Variants in CALN1 observed in about 807,000 individuals in gnomAD.
The protein encoded by CALN1 is calneuron 1.
A neutral mutation model predicts 30.6 loss-of-function variants in CALN1; 17 were observed. The ratio of observed to expected loss-of-function variants is 0.56; its 90% CI spans 0.38 to 0.83. The LOEUF (loss-of-function observed/expected upper bound fraction) is 0.83. CALN1 is among the 40% of genes least tolerant of loss of function. The pLI is 0.00. For synonymous variants in CALN1, 156 were observed against 131.4 expected (o/e 1.19, Z -1.28); for missense variants, 291 against 354.9 (o/e 0.82, Z 1.45).
At chr7:72,401,073 G>A (rs554869880) in intron 2 of CALN1, among the ~76,000 whole-genome samples, 1 of 152,282 alleles carries the variant, frequency 6.6e-6, no homozygotes, top group African/African-American at 2.4e-5. Flanking sequence ...GCCCGTTTTT[G>A]CTAAGGTGTC....
intron 5 of CALN1, among the ~76,000 whole-genome samples, chr7:71,826,339 G>T (rs1788912970): frequency 6.6e-6 from 1 of 152,094 alleles, no homozygotes; most frequent in African/African-American, 2.4e-5. Context: ...AGCACCTATT[G>T]ACTCCCACAG....
At chr7:72,078,329 C>T (rs986301366) in intron 4 of CALN1, among the ~76,000 whole-genome samples, 4 of 151,902 alleles carry the variant, frequency 2.6e-5, no homozygotes, top group African/African-American at 9.7e-5. Flanking sequence ...CTCTGGGTCC[C>T]TCTGGGAAAA....
chr7:72,016,997 AC>A (rs1178410053), intron 5 of CALN1, among the ~76,000 whole-genome samples: 5 of 135,242 alleles, frequency 3.7e-5, no homozygotes, highest in Non-Finnish European at 6.1e-5. Context: ...TACTAAAAAT[AC>A]AAAAAAAAAA....
chr7:72,157,220 G>A lies in CALN1; in HGVS notation c.245-50926C>T, dbSNP rs531129690. On this transcript the variant is annotated intron_variant, in intron 3 of 6. Transcript: ENST00000395275. ...TTGGCAAATATTTGTTGAATGCGTTGCATGCCAAGTACTGCACACAACAAC... is the reference window on the plus strand; with the variant it reads ...TTGGCAAATATTTGTTGAATGCGTTACATGCCAAGTACTGCACACAACAAC... Among the ~76,000 whole-genome samples, 31 of 152,272 alleles carry A rather than the reference G, an allele frequency of 2.0e-4. 1 individual carries two copies. Among genetic ancestry groups the A allele is most frequent in the African/African-American group, 7.5e-4 (31 of 41,558 alleles).
Position 72,269,549 on chromosome 7 carries a change from A to G in CALN1, c.244+9137T>C, listed in dbSNP as rs1011674559. On this transcript the variant is annotated intron_variant, in intron 3 of 6. Coordinates refer to ENST00000395275, the MANE Select transcript of CALN1 (RefSeq NM_031468.4). ...TATAACTGAAGCAGCAGATAGTGGA[A>G]AAACCTCATTAGTACTCCAGGCATC... Among the ~76,000 whole-genome samples the G allele has an allele frequency of 8.5e-5, 13 of 152,318 alleles. No homozygotes were observed. The East Asian group carries it at 2.1e-3, about 25-fold the overall frequency.
chr7:72,013,396 T>C (rs1800202722), intron 5 of CALN1, among the ~76,000 whole-genome samples: 1 of 151,494 alleles, frequency 6.6e-6, no homozygotes, highest in African/African-American at 2.4e-5. Flanking sequence ...GGACCACAGG[T>C]GCATGACACC....
chr7:72,454,053 T>C, the CALN1 span, among the ~76,000 whole-genome samples: 1 of 152,012 alleles, frequency 6.6e-6, no homozygotes, highest in Non-Finnish European at 1.5e-5. Flanking sequence ...GAGAATTAAA[T>C]GGAATACCAG....
At chr7:72,480,610 C>T in the CALN1 span, among the ~76,000 whole-genome samples, 4 of 152,146 alleles carry the variant, frequency 2.6e-5, no homozygotes, top group Non-Finnish European at 5.9e-5. Flanking sequence ...CAGAATTCAT[C>T]ATCTGAATCA....
chr7:72,377,530 G>A (rs533169368), intron 2 of CALN1, among the ~76,000 whole-genome samples: 5 of 151,078 alleles, frequency 3.3e-5, no homozygotes, highest in Admixed American at 2.6e-4. Flanking sequence ...CTATTATAAA[G>A]GAATAATTAT....
At chr7:72,206,397 C>G (rs184857264) in intron 3 of CALN1, among the ~76,000 whole-genome samples, 1 of 152,290 alleles carries the variant, frequency 6.6e-6, no homozygotes, top group East Asian at 1.9e-4. Context: ...AACTCCTCTT[C>G]TTTTGACTGC....
chr7:72,072,150 A>C (rs1804442131), intron 4 of CALN1, among the ~76,000 whole-genome samples: 1 of 152,244 alleles, frequency 6.6e-6, no homozygotes, highest in African/African-American at 2.4e-5. Flanking sequence ...GAAAGATATT[A>C]ATATCAACAT....
At chr7:72,146,010 G>A (rs1427478853) in intron 3 of CALN1, among the ~76,000 whole-genome samples, 5 of 151,874 alleles carry the variant, frequency 3.3e-5, no homozygotes, top group Non-Finnish European at 5.9e-5. Flanking sequence ...CCCACAGCCA[G>A]TATCATACTG....
chr7:72,416,793 T>C (rs1284451757), upstream of CALN1, among the ~76,000 whole-genome samples: 1 of 144,286 alleles, frequency 6.9e-6, no homozygotes, highest in African/African-American at 2.6e-5. Context: ...CCGGGCTTCA[T>C]CCCGATTTGG....
the CALN1 span, among the ~76,000 whole-genome samples, chr7:72,476,740 G>C: frequency 6.6e-6 from 1 of 152,196 alleles, no homozygotes; most frequent in Non-Finnish European, 1.5e-5. Context: ...TCCACACAAT[G>C]ATACTGAACA....
At chr7:72,202,182 T>C (rs757613740) in intron 3 of CALN1, among the ~76,000 whole-genome samples, 1 of 152,092 alleles carries the variant, frequency 6.6e-6, no homozygotes, top group African/African-American at 2.4e-5. Flanking sequence ...AATATCCACA[T>C]GGAGATATTT....
intron 4 of CALN1, among the ~76,000 whole-genome samples, chr7:72,032,327 T>C (rs1801509495): frequency 6.6e-6 from 1 of 152,130 alleles, no homozygotes; most frequent in Non-Finnish European, 1.5e-5. Context: ...ATTACAGGCA[T>C]GAGCCACCGC....
At chr7:72,503,732 C>T in the CALN1 span, among the ~76,000 whole-genome samples, 1 of 152,124 alleles carries the variant, frequency 6.6e-6, no homozygotes, top group Non-Finnish European at 1.5e-5. Context: ...GATCTCCTCT[C>T]CAGCACCTGG....
the CALN1 span, among the ~76,000 whole-genome samples, chr7:72,478,551 C>T: frequency 1.3e-5 from 2 of 151,734 alleles, no homozygotes; most frequent in Non-Finnish European, 2.9e-5. Context: ...GTGACCAGGA[C>T]ATGCCACAAA....
At chr7:72,420,156 A>G (rs79647162) in intron 1 of CALN1, among the ~76,000 whole-genome samples, 2,789 of 152,284 alleles carry the variant, frequency 0.018, 76 homozygotes, top group African/African-American at 0.062. Flanking sequence ...AGATGCTCAC[A>G]TTAACCCTAA....
Sources: allele counts gnomAD v4.1 joint callset (sites outside exome capture counted in the v4.1 genomes callset), GRCh38; gene constraint gnomAD v4.1.1; transcripts MANE v1.5; gene names NCBI Gene and HGNC (gene_info 2026-07-23, HGNC 2026-07-21).